Variants in MAPKAP1 observed in about 807,000 individuals in gnomAD.
MAPKAP1 encodes target of rapamycin complex 2 subunit MAPKAP1.
In MAPKAP1, 20 loss-of-function variants were observed where a neutral mutation model predicts 65.7. That is an observed-to-expected ratio of 0.30 (90% CI 0.21 to 0.44). The LOEUF is 0.44. Ranked by LOEUF, MAPKAP1 falls within the 20% of genes least tolerant of loss-of-function variation. MAPKAP1 has a pLI of 1.00. For missense variants in MAPKAP1, 423 were observed against 648.0 expected (o/e 0.65, Z 3.77); for synonymous variants, 222 against 244.3 (o/e 0.91, Z 0.85).
chr9:125,447,349 C>T lies in MAPKAP1; in HGVS notation c.1346-2751G>A. On this transcript the variant is annotated intron_variant, in intron 10 of 11. Transcript: ENST00000265960. The surrounding 1 kb of genome is among the most constrained non-coding windows in gnomAD (Gnocchi z 4.5). ...CGCCATAGGAGAGGGGAACAGAGGG[C>T]AGAGAACGTTCTGTGGAGCACTTGT... 6 of 455,404 alleles carry T rather than the reference C, an allele frequency of 1.3e-5. No homozygotes were observed. The highest frequency in any genetic ancestry group is 9.3e-5 in the South Asian group (6 of 64,336). The allele number at this position is 455,404 out of a possible 1,614,324, so 28.2% of individuals were successfully genotyped here. A position where few individuals can be genotyped will look rare whatever the true frequency, so the allele number is the denominator to read the frequency against.
chr9:125,619,342 T>C (rs543984713), intron 4 of MAPKAP1, among the ~76,000 whole-genome samples: 65 of 152,168 alleles, frequency 4.3e-4, no homozygotes, highest in Middle Eastern at 6.8e-3. Context: ...GTCACAGGTA[T>C]ACAAAATGGA....
At chr9:125,505,872 T>C (rs1829124492) in intron 8 of MAPKAP1, 2 of 180,074 alleles carry the variant, frequency 1.1e-5, no homozygotes, top group African/African-American at 2.4e-5. Context: ...TTAACAAGTT[T>C]TGAAGTTCTC....
At chr9:125,592,166 C>T (rs1190948245) in intron 4 of MAPKAP1, among the ~76,000 whole-genome samples, 5 of 152,222 alleles carry the variant, frequency 3.3e-5, no homozygotes, top group Non-Finnish European at 5.9e-5. Flanking sequence ...TGCTGAAGGT[C>T]TCACTGTACA....
At chr9:125,687,340 T>C (rs1255312830) in intron 1 of MAPKAP1, among the ~76,000 whole-genome samples, 1 of 152,116 alleles carries the variant, frequency 6.6e-6, no homozygotes, top group East Asian at 1.9e-4. Flanking sequence ...TGACATCTGC[T>C]ATGGATTAGT....
In MAPKAP1 at chr9:125,479,528, C is replaced by T. The variant is rs530959586; in HGVS notation, c.1207+4915G>A. 3.4e-4 allele frequency among the ~76,000 whole-genome samples: 51 copies of T among 150,454 alleles called. 2 individuals are homozygous for T. Among genetic ancestry groups the T allele is most frequent in the African/African-American group, 1.2e-3 (48 of 40,834 alleles). On this transcript the variant is annotated intron_variant, in intron 9 of 11. Transcript: ENST00000265960. ...CCGGGAGGCGGAGGTTGCAGTGAGC[C>T]GAGACTGTACCATTGCACTCCAGCC...
At chr9:125,659,820 T>C (rs375927794) in intron 3 of MAPKAP1, among the ~76,000 whole-genome samples, 16 of 152,044 alleles carry the variant, frequency 1.1e-4, no homozygotes, top group African/African-American at 3.6e-4. Context: ...TCCTGTCCAG[T>C]CCCTCTACTT....
chr9:125,599,726 C>T (rs1185493784), intron 4 of MAPKAP1: 1 of 152,216 alleles, frequency 6.6e-6, no homozygotes, highest in Non-Finnish European at 1.5e-5. Context: ...GCCTCAGCCT[C>T]CCGAGTAGCT....
chr9:125,577,828 C>T (rs930140208), intron 5 of MAPKAP1, among the ~76,000 whole-genome samples: 2 of 150,038 alleles, frequency 1.3e-5, no homozygotes, highest in South Asian at 4.3e-4. Flanking sequence ...GCCCCCGGCC[C>T]GGCCAACCGC....
chr9:125,518,248 T>G (rs529497156), intron 7 of MAPKAP1, among the ~76,000 whole-genome samples: 1 of 152,230 alleles, frequency 6.6e-6, no homozygotes, highest in Non-Finnish European at 1.5e-5. Flanking sequence ...TTATGGTATA[T>G]CTATACACTG....
At chr9:125,610,243 A>G (rs536862593) in intron 4 of MAPKAP1, among the ~76,000 whole-genome samples, 31 of 152,344 alleles carry the variant, frequency 2.0e-4, no homozygotes, top group African/African-American at 4.1e-4. Flanking sequence ...CAACACACTA[A>G]AAACTATTTT....
rs139444283 is a variant in MAPKAP1 at position 125,558,130 on chromosome 9, A to G, written c.848+1503T>C. On this transcript the variant is annotated intron_variant, in intron 6 of 11. Transcript: ENST00000265960. ...ATCCTGGCCTGCCTCGGTCTCCCAA[A>G]GTGCTGGGATTACAGGCGTGAGCCA... Among the ~76,000 whole-genome samples, 8 of 152,252 alleles carry G rather than the reference A, an allele frequency of 5.3e-5. No individual in the cohort carries two copies. The East Asian group carries it at 1.5e-3, about 29-fold the overall frequency.
intron 8 of MAPKAP1, among the ~76,000 whole-genome samples, chr9:125,490,943 C>A (rs973837247): frequency 7.2e-5 from 11 of 151,926 alleles, no homozygotes; most frequent in African/African-American, 2.4e-4. Flanking sequence ...TTTGAGACCA[C>A]CCTGGCCAAC....
intron 7 of MAPKAP1, among the ~76,000 whole-genome samples, chr9:125,535,645 T>C (rs1830053620): frequency 6.6e-6 from 1 of 152,234 alleles, no homozygotes; most frequent in Non-Finnish European, 1.5e-5. Context: ...AAGTACATCA[T>C]TACACTCATA....
At chr9:125,473,946 A>C (rs1210766301) in intron 9 of MAPKAP1, among the ~76,000 whole-genome samples, 2 of 152,204 alleles carry the variant, frequency 1.3e-5, no homozygotes, top group African/African-American at 4.8e-5. Context: ...AGATACCTCA[A>C]GTGCTTGTTG....
Position 125,558,374 on chromosome 9 carries a change from C to T in MAPKAP1, c.848+1259G>A, listed in dbSNP as rs116239567. ...GGAAAAAATTTGCTGTTATTTACAC[C>T]AAACTTGACCTTGTAGTAGGGATGA... On this transcript the variant is annotated intron_variant, in intron 6 of 11. Coordinates refer to ENST00000265960, the MANE Select transcript of MAPKAP1 (RefSeq NM_001006617.3). 7.4e-3 allele frequency among the ~76,000 whole-genome samples: 1,129 copies of T among 152,096 alleles called. 19 individuals are homozygous for T. The highest frequency in any genetic ancestry group is 0.025 in the African/African-American group (1,052 of 41,464).
At position 125,675,002 on chromosome 9, in the gene MAPKAP1, T is replaced by G. The variant is rs868247319; in HGVS notation, c.-69-2359A>C. 1.6e-4 allele frequency among the ~76,000 whole-genome samples: 24 copies of G among 152,318 alleles called. 1 individual carries two copies. In the Middle Eastern group the frequency reaches 0.02, roughly 130 times the overall value. On this transcript the variant is annotated intron_variant, in intron 1 of 11. Transcript: ENST00000265960. ...TGAAATTAACAATGAGCATTTAAAT[T>G]TCACTTGTAAAAATACAAACTTCTC...
intron 1 of MAPKAP1, among the ~76,000 whole-genome samples, chr9:125,680,543 C>T (rs972328433): frequency 2.6e-5 from 4 of 152,118 alleles, no homozygotes; most frequent in African/African-American, 9.7e-5. Flanking sequence ...TGTGAATATG[C>T]CCAATTTCAT....
chr9:125,461,958 G>A (rs1247548904), intron 10 of MAPKAP1, among the ~76,000 whole-genome samples: 6 of 152,152 alleles, frequency 3.9e-5, no homozygotes, highest in Non-Finnish European at 7.3e-5. Flanking sequence ...CTACCTTGGG[G>A]CTGTAGCTCT....
chr9:125,685,519 C>A (rs1170537351), intron 1 of MAPKAP1, among the ~76,000 whole-genome samples: 2 of 152,214 alleles, frequency 1.3e-5, no homozygotes, highest in African/African-American at 4.8e-5. Flanking sequence ...TTAGCTTTTA[C>A]TCCAAGTGAA....
Sources: allele counts gnomAD v4.1 joint callset (sites outside exome capture counted in the v4.1 genomes callset), GRCh38; gene constraint gnomAD v4.1.1; non-coding constraint Gnocchi (gnomAD v3.1); transcripts MANE v1.5; gene names NCBI Gene and HGNC (gene_info 2026-07-23, HGNC 2026-07-21).